The following SGPP2 variants were observed in gnomAD, a reference collection of about 807,000 sequenced individuals.
SGPP2 encodes sphingosine-1-phosphate phosphatase 2, also known as sphingosine 1-phosphate phosphohydrolase 2.
In SGPP2, 30 loss-of-function variants were observed where a neutral mutation model predicts 33.9. That is an observed-to-expected ratio of 0.89 (90% confidence interval 0.66 to 1.20). SGPP2 has a LOEUF of 1.20. Ranked by LOEUF, SGPP2 falls within the 50% of genes most tolerant of loss-of-function variation. SGPP2 has a pLI of 0.00. For synonymous variants in SGPP2, 233 were observed against 225.0 expected (o/e 1.04, Z -0.32); for missense variants, 458 against 532.1 (o/e 0.86, Z 1.37).
chr2:222,544,654 A>C (rs1559175371), intron 4 of SGPP2, among the ~76,000 whole-genome samples: 1 of 152,234 alleles, frequency 6.6e-6, no homozygotes. Flanking sequence ...TGTTCAGTGC[A>C]GATACAACCA....
chr2:222,533,535 G>A (rs76047030), intron 4 of SGPP2, among the ~76,000 whole-genome samples: 3,045 of 152,284 alleles, frequency 0.02, 106 homozygotes, highest in African/African-American at 0.064. Flanking sequence ...TACCAGATGC[G>A]TTAGTCAGGA....
At chr2:222,554,077 AAT>A (rs1689345953) in intron 4 of SGPP2, among the ~76,000 whole-genome samples, 1 of 152,192 alleles carries the variant, frequency 6.6e-6, no homozygotes, top group Non-Finnish European at 1.5e-5. Flanking sequence ...GGAGAGACTG[AAT>A]TTTATCTTAC....
At chr2:222,452,396 T>A in intron 1 of SGPP2, 3 of 746,726 alleles carry the variant, frequency 4.0e-6, no homozygotes, top group Middle Eastern at 3.7e-4. Flanking sequence ...AATTTCACTC[T>A]CCTTCACAGA....
chr2:222,495,306 C>T (rs905209758), intron 2 of SGPP2, among the ~76,000 whole-genome samples: 2 of 150,946 alleles, frequency 1.3e-5, no homozygotes, highest in African/African-American at 4.9e-5. Flanking sequence ...CCCTGCTACT[C>T]GGGAGACTGA....
chr2:222,476,307 G>A lies in SGPP2; in HGVS notation c.378+1581G>A, dbSNP rs761766901. 6.6e-6 allele frequency among the ~76,000 whole-genome samples: 1 copy of A among 152,162 alleles called. No homozygotes were observed. Among genetic ancestry groups the A allele is most frequent in the Non-Finnish European group, 1.5e-5 (1 of 68,032 alleles). On this transcript the variant is annotated intron_variant, in intron 2 of 4. Coordinates refer to ENST00000321276, the MANE Select transcript of SGPP2 (RefSeq NM_152386.4). This position sits in a 1 kb window ranked among gnomAD's most constrained non-coding sequence, Gnocchi z 4.3. ...TAAAGCAGCAATGTCCTGGGCCAGG[G>A]TGAGGGGTGGCAAGGGCGGGGTATC...
Position 222,460,803 on chromosome 2 carries a change from C to T in SGPP2, c.220-13765C>T, listed in dbSNP as rs1474265962. Among the ~76,000 whole-genome samples, 1 of 118,366 alleles carries T rather than the reference C, an allele frequency of 8.4e-6. No homozygotes were observed. Among genetic ancestry groups the T allele is most frequent in the Non-Finnish European group, 2.0e-5 (1 of 50,466 alleles). 77.7% of individuals were successfully genotyped at this position (118,366 alleles called of 152,430 possible). ...CCTCTCCTCTTGCTGTTCCTTTCTGCTGGAATGTCCCTCTTTCCCTTCTCT... is the reference window on the plus strand; with the variant it reads ...CCTCTCCTCTTGCTGTTCCTTTCTGTTGGAATGTCCCTCTTTCCCTTCTCT... On this transcript the variant is annotated intron_variant, in intron 1 of 4. Transcript: ENST00000321276. The surrounding 1 kb of genome is among the most constrained non-coding windows in gnomAD (Gnocchi z 4.3).
Position 222,429,445 on chromosome 2 carries a change from T to C in SGPP2, c.219+4624T>C, listed in dbSNP as rs946505941. On this transcript the variant is annotated intron_variant, in intron 1 of 4. Coordinates refer to ENST00000321276, the MANE Select transcript of SGPP2 (RefSeq NM_152386.4). ...TTACATCTGAAATGACAAAATGAGATAGTTCGAAAGAATATATTTGATCTT... is the reference window on the plus strand; with the variant it reads ...TTACATCTGAAATGACAAAATGAGACAGTTCGAAAGAATATATTTGATCTT... Among the ~76,000 whole-genome samples the C allele has an allele frequency of 9.2e-5, 14 of 152,342 alleles. 1 individual carries two copies. The highest frequency in any genetic ancestry group is 3.4e-4 in the African/African-American group (14 of 41,578).
chr2:222,451,392 A>G (rs759061482), intron 1 of SGPP2, among the ~76,000 whole-genome samples: 7 of 152,254 alleles, frequency 4.6e-5, no homozygotes, highest in Admixed American at 6.5e-5. Flanking sequence ...TCATTTAGAA[A>G]GTATGTGACC....
chr2:222,472,877 G>A (rs971595108), intron 1 of SGPP2, among the ~76,000 whole-genome samples: 1 of 152,178 alleles, frequency 6.6e-6, no homozygotes, highest in Non-Finnish European at 1.5e-5. Flanking sequence ...AGCCAGGCAT[G>A]GTGGTGCACT....
intron 4 of SGPP2, among the ~76,000 whole-genome samples, chr2:222,526,084 G>T (rs564894215): frequency 6.6e-6 from 1 of 152,156 alleles, no homozygotes; most frequent in African/African-American, 2.4e-5. Context: ...ATTGACTCGA[G>T]GCCAGGCCTC....
At chr2:222,517,440 G>A (rs879852237) in intron 2 of SGPP2, among the ~76,000 whole-genome samples, 1 of 152,026 alleles carries the variant, frequency 6.6e-6, no homozygotes, top group South Asian at 2.1e-4. Context: ...AAACTCCAGG[G>A]GAAGATCATT....
At chr2:222,522,404 A>T (rs1459202014) in intron 3 of SGPP2, among the ~76,000 whole-genome samples, 1 of 152,222 alleles carries the variant, frequency 6.6e-6, no homozygotes, top group African/African-American at 2.4e-5. Context: ...GCCTCAAATT[A>T]GCCTCTAAGG....
intron 1 of SGPP2, among the ~76,000 whole-genome samples, chr2:222,428,555 A>G (rs1574825171): frequency 6.6e-6 from 1 of 152,286 alleles, no homozygotes; most frequent in East Asian, 1.9e-4. Flanking sequence ...TTCAAAGATA[A>G]GTTGTTTCTA....
At chr2:222,445,358 A>C (rs1439227401) in intron 1 of SGPP2, among the ~76,000 whole-genome samples, 1 of 152,230 alleles carries the variant, frequency 6.6e-6, no homozygotes, top group Non-Finnish European at 1.5e-5. Context: ...GCATTCCTGC[A>C]TAACCATAAG....
At position 222,550,205 on chromosome 2, in the gene SGPP2, G is replaced by C. The variant is rs191303699; in HGVS notation, c.649-8142G>C. Among the ~76,000 whole-genome samples, 5 of 152,114 alleles carry C rather than the reference G, an allele frequency of 3.3e-5. No homozygotes were observed. In the East Asian group the frequency reaches 9.7e-4, roughly 29 times the overall value. ...TATGCCTTTATTTTAAAAGTTACTT[G>C]GATCATGGAGGAATGGTATATTGCT... On this transcript the variant is annotated intron_variant, in intron 4 of 4. Transcript: ENST00000321276. The surrounding 1 kb of genome is among the most constrained non-coding windows in gnomAD (Gnocchi z 4.5).
chr2:222,523,757 T>A (rs1698718767), intron 3 of SGPP2, among the ~76,000 whole-genome samples: 1 of 151,586 alleles, frequency 6.6e-6, no homozygotes, highest in Non-Finnish European at 1.5e-5. Flanking sequence ...GGTTTATGTG[T>A]GTTGAGTACC....
intron 2 of SGPP2, among the ~76,000 whole-genome samples, chr2:222,516,456 G>A (rs1457178919): frequency 1.3e-5 from 2 of 152,096 alleles, no homozygotes; most frequent in Non-Finnish European, 2.9e-5. Flanking sequence ...CCAGTTTGGG[G>A]CTATTATAAA....
Position 222,550,854 on chromosome 2 carries a change from C to G in SGPP2, c.649-7493C>G, listed in dbSNP as rs189810286. Among the ~76,000 whole-genome samples the G allele has an allele frequency of 2.4e-4, 37 of 152,256 alleles. No homozygotes were observed. Among genetic ancestry groups the G allele is most frequent in the Non-Finnish European group, 5.0e-4 (34 of 68,018 alleles). On this transcript the variant is annotated intron_variant, in intron 4 of 4. Coordinates refer to ENST00000321276, the MANE Select transcript of SGPP2 (RefSeq NM_152386.4). The surrounding 1 kb of genome is among the most constrained non-coding windows in gnomAD (Gnocchi z 4.5). ...ATGAGCTGAAATAACCCAACAAGAA[C>G]CAAACAGGAATCATCCCTGTATGTA...
intron 4 of SGPP2, among the ~76,000 whole-genome samples, chr2:222,527,240 A>G (rs1698773111): frequency 6.6e-6 from 1 of 152,236 alleles, no homozygotes; most frequent in Non-Finnish European, 1.5e-5. Context: ...CACACTTAGT[A>G]GACAACAGAA....
Sources: allele counts gnomAD v4.1 joint callset (sites outside exome capture counted in the v4.1 genomes callset), GRCh38; gene constraint gnomAD v4.1.1; non-coding constraint Gnocchi (gnomAD v3.1); transcripts MANE v1.5; gene names NCBI Gene and HGNC (gene_info 2026-07-23, HGNC 2026-07-21).